The following ELOVL2 variants were observed in gnomAD, a reference collection of about 807,000 sequenced individuals.
ELOVL2 encodes the protein ELOVL fatty acid elongase 2.
In ELOVL2, 38 loss-of-function variants were observed where a neutral mutation model predicts 37.7. The ratio of observed to expected loss-of-function variants is 1.01; its 90% confidence interval spans 0.78 to 1.32. The LOEUF (loss-of-function observed/expected upper bound fraction) is 1.32. Among genes scored for constraint, ELOVL2 ranks in the 40% most tolerant of loss-of-function variants. The probability of loss-of-function intolerance (pLI) is 0.00; values close to 1 mark genes in which losing one functional copy is unlikely to be tolerated. For synonymous variants in ELOVL2, 115 were observed against 122.3 expected (o/e 0.94, Z 0.40); for missense variants, 352 against 363.6 (o/e 0.97, Z 0.26).
At chr6:11,018,704 G>A (rs1782720186) in intron 1 of ELOVL2, among the ~76,000 whole-genome samples, 1 of 152,150 alleles carries the variant, frequency 6.6e-6, no homozygotes, top group Non-Finnish European at 1.5e-5. Context: ...ACCATGCACA[G>A]GCTATTGAAA....
intron 1 of ELOVL2, among the ~76,000 whole-genome samples, chr6:11,026,185 A>T (rs1388989174): frequency 6.6e-6 from 1 of 152,234 alleles, no homozygotes; most frequent in Non-Finnish European, 1.5e-5. Flanking sequence ...AGCCAAAATT[A>T]GTCTCCAGAG....
intron 1 of ELOVL2, among the ~76,000 whole-genome samples, chr6:11,016,836 C>T (rs951655133): frequency 3.9e-5 from 6 of 152,294 alleles, no homozygotes; most frequent in Non-Finnish European, 5.9e-5. Context: ...AGAGTGGATA[C>T]ATAAAAATGC....
chr6:11,018,440 C>T (rs991152657), intron 1 of ELOVL2, among the ~76,000 whole-genome samples: 1 of 152,192 alleles, frequency 6.6e-6, no homozygotes. Context: ...TTGCATCATG[C>T]TTCAAGAAGA....
At chr6:11,040,915 A>C (rs1474271706) in intron 1 of ELOVL2, among the ~76,000 whole-genome samples, 1 of 152,244 alleles carries the variant, frequency 6.6e-6, no homozygotes, top group Non-Finnish European at 1.5e-5. Flanking sequence ...CTCAGGTTCT[A>C]AACTGTCACA....
At chr6:11,038,174 GT>G (rs1300187273) in intron 1 of ELOVL2, among the ~76,000 whole-genome samples, 1 of 152,134 alleles carries the variant, frequency 6.6e-6, no homozygotes, top group Non-Finnish European at 1.5e-5. Context: ...TCTCACAAAA[GT>G]TTTTTTGTGA....
In ELOVL2 at chr6:10,982,210, C is replaced by G. The variant is rs572696326; in HGVS notation, c.*1571G>C. The G allele has an allele frequency of 1.2e-4, 19 of 152,166 alleles. No individual in the cohort carries two copies. The highest frequency in any genetic ancestry group is 4.6e-4 in the African/African-American group (19 of 41,530). The allele number at this position is 152,166 out of a possible 1,614,324, so 9.4% of individuals were successfully genotyped here. On this transcript the variant is annotated 3_prime_UTR_variant, in exon 8 of 8. Coordinates refer to ENST00000354666, the MANE Select transcript of ELOVL2 (RefSeq NM_017770.4). ...TTAGGCACCTTCCAAAAAATATGCC[C>G]AAATCCTCAGAGGGGCAGTTTACAT...
Position 11,005,408 on chromosome 6 carries a change from A to G in ELOVL2, c.219T>C (p.Leu73=), listed in dbSNP as rs369006892. 5 of 1,614,036 alleles carry G rather than the reference A, an allele frequency of 3.1e-6. No homozygotes were observed. Among genetic ancestry groups the G allele is most frequent in the Non-Finnish European group, 2.5e-6 (3 of 1,180,000 alleles). The change falls in exon 3 of 8, where the codon CTT becomes CTC. Residue 73 remains leucine, a synonymous_variant. Coordinates refer to ENST00000354666, the MANE Select transcript of ELOVL2 (RefSeq NM_017770.4). ...SLRGILTLYN[L]GITLLSAYML... ...TGTACGCGGAGAGAAGTGTGATTCC[A>G]AGATTATACAAGGTGAGGATACCCC...
chr6:10,989,854 G>T lies in ELOVL2; in HGVS notation c.631-17C>A, dbSNP rs1228657286. 6.2e-7 allele frequency: 1 copy of T among 1,613,850 alleles called. No individual in the cohort carries two copies. Among genetic ancestry groups the T allele is most frequent in the Non-Finnish European group, 8.5e-7 (1 of 1,179,836 alleles). ...GAACTGCACCTGGGGACGGCAGAGA[G>T]GGCATCTCTGTGAGCGAGCCAGGCT... is the stretch of plus-strand genomic sequence containing the variant. On this transcript the variant is annotated splice_polypyrimidine_tract_variant and intron_variant, in intron 6 of 7. Coordinates refer to ENST00000354666, the MANE Select transcript of ELOVL2 (RefSeq NM_017770.4).
Position 10,984,511 on chromosome 6 carries a change from TC to T in ELOVL2, c.766-606del, listed in dbSNP as rs553647730. On this transcript the variant is annotated intron_variant, in intron 7 of 7. Transcript: ENST00000354666. Reference sequence around the variant, plus strand: ...ATCTCCTAAAGCTATCCCTCCCCCCTCCCCCCACCCCACAACAGTCCCCAGA... The same window carrying T: ...ATCTCCTAAAGCTATCCCTCCCCCCTCCCCCACCCCACAACAGTCCCCAGA... Among the ~76,000 whole-genome samples the T allele has an allele frequency of 4.4e-3, 316 of 71,858 alleles. 1 individual carries two copies. Among genetic ancestry groups the T allele is most frequent in the Non-Finnish European group, 6.6e-3 (266 of 40,020 alleles). The allele number at this position is 71,858 out of a possible 152,430, so 47.1% of individuals were successfully genotyped here.
chr6:11,039,911 G>A (rs1783073288), intron 1 of ELOVL2, among the ~76,000 whole-genome samples: 1 of 152,222 alleles, frequency 6.6e-6, no homozygotes, highest in South Asian at 2.1e-4. Flanking sequence ...GGAAGGAATG[G>A]AGAGAATGTG....
intron 1 of ELOVL2, among the ~76,000 whole-genome samples, chr6:11,019,089 G>T (rs1004762372): frequency 4.6e-5 from 7 of 152,104 alleles, no homozygotes; most frequent in Admixed American, 4.6e-4. Flanking sequence ...TCATAAGATT[G>T]CATTCAGACA....
At chr6:11,024,650 A>G (rs1316968808) in intron 1 of ELOVL2, among the ~76,000 whole-genome samples, 1 of 152,128 alleles carries the variant, frequency 6.6e-6, no homozygotes, top group Non-Finnish European at 1.5e-5. Flanking sequence ...TTTCTTCTAC[A>G]TTCTTGAAGC....
intron 1 of ELOVL2, among the ~76,000 whole-genome samples, chr6:11,023,583 G>A (rs1185272782): frequency 6.6e-6 from 1 of 152,086 alleles, no homozygotes; most frequent in Non-Finnish European, 1.5e-5. Flanking sequence ...GAGTCATCCG[G>A]ACAGACTATT....
Position 10,983,774 on chromosome 6 carries a change from C to T in ELOVL2, c.*7G>A, listed in dbSNP as rs1350294773. ...GCTAGTATATGTGCTTTTTCTGTTA[C>T]TCATTTTTATTGTGCTTTCTTGTTC... is the stretch of plus-strand genomic sequence containing the variant. On this transcript the variant is annotated 3_prime_UTR_variant, in exon 8 of 8. Coordinates refer to ENST00000354666, the MANE Select transcript of ELOVL2 (RefSeq NM_017770.4). 4 of 1,597,032 alleles carry T rather than the reference C, an allele frequency of 2.5e-6. No homozygotes were observed. Among genetic ancestry groups the T allele is most frequent in the Admixed American group, 1.8e-5 (1 of 55,752 alleles).
intron 5 of ELOVL2, among the ~76,000 whole-genome samples, chr6:10,992,260 G>A (rs1485436881): frequency 6.6e-6 from 1 of 152,096 alleles, no homozygotes; most frequent in East Asian, 1.9e-4. Context: ...ATATCTCTGG[G>A]CACTTTTTTC....
At chr6:10,988,382 T>G (rs1005817430) in intron 7 of ELOVL2, among the ~76,000 whole-genome samples, 5 of 152,154 alleles carry the variant, frequency 3.3e-5, no homozygotes, top group Non-Finnish European at 7.4e-5. Flanking sequence ...CTGAACAACA[T>G]GGAGAAACCC....
intron 7 of ELOVL2, among the ~76,000 whole-genome samples, chr6:10,984,691 C>G (rs535263339): frequency 2.6e-5 from 4 of 151,164 alleles, no homozygotes; most frequent in Admixed American, 2.0e-4. Flanking sequence ...GACATGAACT[C>G]ATCATTTTTT....
At chr6:10,996,791 C>T (rs1782276633) in intron 4 of ELOVL2, among the ~76,000 whole-genome samples, 1 of 152,104 alleles carries the variant, frequency 6.6e-6, no homozygotes, top group Non-Finnish European at 1.5e-5. Flanking sequence ...AGGTGGATCA[C>T]CTGAGGTCAG....
At chr6:11,033,886 T>C (rs1377669260) in intron 1 of ELOVL2, among the ~76,000 whole-genome samples, 1 of 152,182 alleles carries the variant, frequency 6.6e-6, no homozygotes, top group African/African-American at 2.4e-5. Context: ...ATTCCAGGCA[T>C]AGAGAAAAAA....
Sources: allele counts gnomAD v4.1 joint callset (sites outside exome capture counted in the v4.1 genomes callset), GRCh38; gene constraint gnomAD v4.1.1; transcripts MANE v1.5; gene names NCBI Gene and HGNC (gene_info 2026-07-23, HGNC 2026-07-21).